Variants in NF1 observed in about 807,000 individuals in gnomAD.
NF1 encodes the protein neurofibromin.
A neutral mutation model predicts 325.7 loss-of-function variants in NF1; 122 were observed. The observed-to-expected ratio is 0.37, with a 90% CI of 0.32 to 0.44. NF1 has a LOEUF of 0.44. Among genes scored for constraint, NF1 ranks in the 20% least tolerant of loss-of-function variants. The pLI is 1.00. For synonymous variants in NF1, 1,091 were observed against 1,186.0 expected (o/e 0.92, Z 1.65); for missense variants, 2,140 against 3,415.4 (o/e 0.63, Z 9.31).
chr17:31,228,618 A>G (rs1465955742), intron 20 of NF1, among the ~76,000 whole-genome samples: 1 of 150,804 alleles, frequency 6.6e-6, no homozygotes, highest in African/African-American at 2.4e-5. Flanking sequence ...CCCCCCACCC[A>G]CTTTCTTGCC....
intron 1 of NF1, among the ~76,000 whole-genome samples, chr17:31,121,661 T>C (rs1914452113): frequency 6.6e-6 from 1 of 152,180 alleles, no homozygotes; most frequent in South Asian, 2.1e-4. Context: ...CAAAGGCCTT[T>C]TCTTCATCTA....
intron 36 of NF1, among the ~76,000 whole-genome samples, chr17:31,278,459 G>T (rs1597772078): frequency 5.5e-5 from 2 of 36,614 alleles, no homozygotes; most frequent in Non-Finnish European, 1.0e-4. Context: ...TTTCTTGAGT[G>T]ATATTTGCAC....
intron 12 of NF1, among the ~76,000 whole-genome samples, chr17:31,210,161 A>G (rs1014561599): frequency 2.6e-5 from 4 of 152,240 alleles, no homozygotes; most frequent in African/African-American, 9.6e-5. Flanking sequence ...TGATGAAAGC[A>G]GTAGCTTTGT....
rs17881311 is a variant in NF1 at position 31,226,809 on chromosome 17, A to G, written c.2251+125A>G. On this transcript the variant is annotated intron_variant, in intron 18 of 57. Coordinates refer to ENST00000358273, the MANE Select transcript of NF1 (RefSeq NM_001042492.3). The stretch of plus-strand genomic sequence containing the variant: ...GGGAAATTCAAGTAGCTTACTTGAA[A>G]TCCTTTTCTGAACAAAGTAAGATGA... The G allele has an allele frequency of 3.8e-4, 493 of 1,284,062 alleles. 3 individuals carry two copies. The South Asian group carries it at 5.2e-3, about 14-fold the overall frequency. The allele number at this position is 1,284,062 out of a possible 1,614,324, so 79.5% of individuals were successfully genotyped here. A position where few individuals can be genotyped will look rare whatever the true frequency, so the allele number is the denominator to read the frequency against.
At chr17:31,293,320 GGTACTAATCAGT>G (rs2068390423) in intron 36 of NF1, among the ~76,000 whole-genome samples, 1 of 151,806 alleles carries the variant, frequency 6.6e-6, no homozygotes, top group Non-Finnish European at 1.5e-5. Context: ...GGATGGTGAA[GGTACTAATCAGT>G]GTTTGGGAGG....
At chr17:31,295,027 C>G in intron 36 of NF1, 1 of 1,614,074 alleles carries the variant, frequency 6.2e-7, no homozygotes, top group South Asian at 1.1e-5. Flanking sequence ...CCAGCATGAC[C>G]ACAACATTGA....
chr17:31,193,903 G>A (rs1431725985), intron 8 of NF1, among the ~76,000 whole-genome samples: 1 of 152,164 alleles, frequency 6.6e-6, no homozygotes, highest in Non-Finnish European at 1.5e-5. Flanking sequence ...GCTGGCAAAG[G>A]TGTGGAGATA....
At chr17:31,330,570 G>A (rs1169261477) in intron 39 of NF1, 72 bp downstream of exon 39, 1 of 1,172,232 alleles carries the variant, frequency 8.5e-7, no homozygotes, top group Non-Finnish European at 1.2e-6. Context: ...TTTCATTTCA[G>A]AATTTTCCAG....
chr17:31,151,034 C>CA lies in NF1; in HGVS notation c.61-4939dup, dbSNP rs111746465. On this transcript the variant is annotated intron_variant, in intron 1 of 57. Coordinates refer to ENST00000358273, the MANE Select transcript of NF1 (RefSeq NM_001042492.3). ...TGGGTGACAGAGCAAGGCTCTGTCT[C>CA]AAAAAAAAAATAAATAAATAAATAA... is the stretch of plus-strand genomic sequence containing the variant. Among the ~76,000 whole-genome samples, 284 of 80,038 alleles carry CA rather than the reference C, an allele frequency of 3.5e-3. 2 individuals are homozygous for CA. The highest frequency in any genetic ancestry group is 0.02 in the East Asian group (66 of 3,284). 52.5% of individuals were successfully genotyped at this position (80,038 alleles called of 152,430 possible). A position where few individuals can be genotyped will look rare whatever the true frequency, so the allele number is the denominator to read the frequency against.
At position 31,198,370 on chromosome 17, in the gene NF1, G is replaced by A. The variant is rs547309582; in HGVS notation, c.889-2052G>A. On this transcript the variant is annotated intron_variant, in intron 8 of 57. Transcript: ENST00000358273. ...TTTAAATGTTGGGTGGAATCAACCA[G>A]TGAAAGCTATCTGGTCCTAGCCTTT... is the stretch of plus-strand genomic sequence containing the variant. Among the ~76,000 whole-genome samples the A allele has an allele frequency of 2.6e-4, 39 of 152,326 alleles. No homozygotes were observed. In the South Asian group the frequency reaches 3.9e-3, roughly 15 times the overall value.
intron 8 of NF1, among the ~76,000 whole-genome samples, chr17:31,194,842 G>T (rs1417651758): frequency 6.6e-6 from 1 of 152,032 alleles, no homozygotes; most frequent in Admixed American, 6.6e-5. Context: ...TTGGCTATTG[G>T]CAAATGTATT....
chr17:31,100,490 G>A (rs1327848278), intron 1 of NF1, among the ~76,000 whole-genome samples: 1 of 152,144 alleles, frequency 6.6e-6, no homozygotes, highest in African/African-American at 2.4e-5. Flanking sequence ...TTTAGTATAT[G>A]TGGTGCTGAA....
intron 36 of NF1, chr17:31,313,963 G>A (rs1303433096): frequency 2.5e-6 from 1 of 397,930 alleles, no homozygotes; most frequent in Non-Finnish European, 4.4e-6. Flanking sequence ...ACCAAATTGT[G>A]TGAAAATTTT....
chr17:31,200,900 A>G lies in NF1; in HGVS notation c.1063-137A>G. 7 of 1,197,600 alleles carry G rather than the reference A, an allele frequency of 5.8e-6. No individual in the cohort carries two copies. In the South Asian group the frequency reaches 6.2e-5, roughly 11 times the overall value. The allele number at this position is 1,197,600 out of a possible 1,614,324, so 74.2% of individuals were successfully genotyped here. A position where few individuals can be genotyped will look rare whatever the true frequency, so the allele number is the denominator to read the frequency against. ...TTGTATCAGACTGATGAACCACAGT[A>G]TGGGTGCTTTGTGCTTCTTCTGGCA... On this transcript the variant is annotated intron_variant, in intron 9 of 57. Coordinates refer to ENST00000358273, the MANE Select transcript of NF1 (RefSeq NM_001042492.3).
At chr17:31,123,029 A>G (rs1206129613) in intron 1 of NF1, among the ~76,000 whole-genome samples, 1 of 152,204 alleles carries the variant, frequency 6.6e-6, no homozygotes, top group African/African-American at 2.4e-5. Context: ...ATTAAGTTAT[A>G]AACTTAGCAC....
rs1406157635 is a variant in NF1, at chr17:31,296,775, G to A, written c.4836-29045G>A. ...TTTTTTTTTTAATCTCTGCAGTAATGTAATTCAATGTGTGTATATAGGGTA... is the reference window on the plus strand; with the variant it reads ...TTTTTTTTTTAATCTCTGCAGTAATATAATTCAATGTGTGTATATAGGGTA... On this transcript the variant is annotated intron_variant, in intron 36 of 57. Transcript: ENST00000358273. 3.0e-4 allele frequency: 62 copies of A among 206,014 alleles called. No individual in the cohort carries two copies. In the East Asian group the frequency reaches 7.1e-3, roughly 24 times the overall value. The allele number at this position is 206,014 out of a possible 1,614,324, so 12.8% of individuals were successfully genotyped here.
intron 36 of NF1, among the ~76,000 whole-genome samples, chr17:31,293,203 A>AAAAAAAAAG (rs2068384383): frequency 1.4e-5 from 2 of 138,666 alleles, no homozygotes; most frequent in Admixed American, 7.1e-5. Context: ...AAAAAAAAAA[A>AAAAAAAAAG]AAAAAAAAGA....
chr17:31,109,545 G>A (rs1363799953), intron 1 of NF1, among the ~76,000 whole-genome samples: 4 of 151,840 alleles, frequency 2.6e-5, no homozygotes, highest in Non-Finnish European at 4.4e-5. Flanking sequence ...CACGATGCCC[G>A]GCTAATTTTT....
At chr17:31,288,786 C>A (rs1190564572) in intron 36 of NF1, among the ~76,000 whole-genome samples, 1 of 152,078 alleles carries the variant, frequency 6.6e-6, no homozygotes, top group African/African-American at 2.4e-5. Flanking sequence ...ACCTTGGCCT[C>A]CCAAATTATT....
Sources: gnomAD v4.1 joint callset for allele counts (sites outside exome capture counted in the v4.1 genomes callset) on GRCh38, gnomAD v4.1.1 for gene constraint, MANE v1.5 for transcripts, NCBI Gene and HGNC (gene_info 2026-07-23, HGNC 2026-07-21) for gene names.